Variants in UGT8 observed in about 807,000 individuals in gnomAD.
UGT8 encodes UDP glycosyltransferase 8.
Under a neutral mutation model 40.5 loss-of-function variants are expected in UGT8, and 12 were observed. The ratio of observed to expected loss-of-function variants is 0.30; its 90% CI spans 0.19 to 0.48. UGT8 has a LOEUF of 0.48. Among genes scored for constraint, UGT8 ranks in the 20% least tolerant of loss-of-function variants. The pLI, the probability that UGT8 is intolerant of heterozygous loss-of-function variation, is 0.99. For missense variants in UGT8, 513 were observed against 648.7 expected (o/e 0.79, Z 2.27); for synonymous variants, 224 against 240.4 (o/e 0.93, Z 0.63).
At chr4:114,668,500 A>G (rs1735034362) in intron 5 of UGT8, among the ~76,000 whole-genome samples, 196 bp downstream of exon 5, 1 of 152,236 alleles carries the variant, frequency 6.6e-6, no homozygotes, top group African/African-American at 2.4e-5. Context: ...CCATGTTATG[A>G]CACCAGATAA....
At position 114,664,117 on chromosome 4, in the gene UGT8, G is replaced by A; in HGVS notation, c.945G>A (p.Leu315=). ...ANKLAGALGR[L]PQKVIWRFSG... ...AACTGGCAGGAGCTCTGGGGAGATTGCCTCAAAAAGTGATTTGGAGGTAAG... is the reference window on the plus strand; with the variant it reads ...AACTGGCAGGAGCTCTGGGGAGATTACCTCAAAAAGTGATTTGGAGGTAAG... Residue 315 remains leucine, a synonymous_variant, in exon 3 of 6, where the codon TTG becomes TTA. Transcript: ENST00000310836. 1 of 1,613,784 alleles carries A rather than the reference G, an allele frequency of 6.2e-7. No individual in the cohort carries two copies. The highest frequency in any genetic ancestry group is 8.5e-7 in the Non-Finnish European group (1 of 1,179,890).
chr4:114,612,337 A>C (rs1731143980), intron 1 of UGT8, among the ~76,000 whole-genome samples: 1 of 152,128 alleles, frequency 6.6e-6, no homozygotes. Context: ...GGAGGGTTTA[A>C]AAAAGCCAAA....
At chr4:114,652,488 G>A (rs1461913952) in intron 2 of UGT8, among the ~76,000 whole-genome samples, 1 of 151,728 alleles carries the variant, frequency 6.6e-6, no homozygotes. Flanking sequence ...TAAACTGGTT[G>A]GCATTGGGAA....
At chr4:114,632,012 T>C (rs1256282579) in intron 2 of UGT8, among the ~76,000 whole-genome samples, 2 of 152,200 alleles carry the variant, frequency 1.3e-5, no homozygotes, top group Non-Finnish European at 2.9e-5. Flanking sequence ...AGAGTGGCCA[T>C]GTACAGCCAT....
At chr4:114,650,503 A>G (rs1235642431) in intron 2 of UGT8, among the ~76,000 whole-genome samples, 3 of 152,172 alleles carry the variant, frequency 2.0e-5, no homozygotes, top group Non-Finnish European at 4.4e-5. Flanking sequence ...GAAGCAGTCT[A>G]TTACTGCAAC....
intron 2 of UGT8, among the ~76,000 whole-genome samples, chr4:114,655,420 TA>T (rs1397654608): frequency 2.0e-5 from 3 of 152,086 alleles, no homozygotes; most frequent in Non-Finnish European, 2.9e-5. Flanking sequence ...TACAGGGGCT[TA>T]TTCTAGGTGG....
chr4:114,672,552 A>G (rs1280042843), intron 5 of UGT8, among the ~76,000 whole-genome samples: 3 of 152,160 alleles, frequency 2.0e-5, no homozygotes, highest in Admixed American at 6.5e-5. Context: ...CATCCTCAGC[A>G]CATAACACAG....
At chr4:114,649,341 A>ATTTGAAGT (rs1456640098) in intron 2 of UGT8, among the ~76,000 whole-genome samples, 4 of 152,214 alleles carry the variant, frequency 2.6e-5, no homozygotes, top group African/African-American at 9.6e-5. Flanking sequence ...TTATTGATTT[A>ATTTGAAGT]TTTGAAGTCT....
At chr4:114,675,546 C>T (rs1336516760) in intron 5 of UGT8, among the ~76,000 whole-genome samples, 1 of 151,210 alleles carries the variant, frequency 6.6e-6, no homozygotes, top group Non-Finnish European at 1.5e-5. Flanking sequence ...TGAGACCATC[C>T]CAGCTAAAAC....
chr4:114,602,186 G>A (rs1269468318), intron 1 of UGT8, among the ~76,000 whole-genome samples: 2 of 152,112 alleles, frequency 1.3e-5, no homozygotes, highest in Non-Finnish European at 2.9e-5. Flanking sequence ...AGAAACTGAA[G>A]CAGCCTTTAA....
intron 2 of UGT8, among the ~76,000 whole-genome samples, chr4:114,625,659 C>T (rs941167437): frequency 1.3e-5 from 2 of 151,816 alleles, no homozygotes; most frequent in Admixed American, 6.6e-5. Flanking sequence ...ATTTTCAATA[C>T]TCTACCTTTC....
At chr4:114,666,830 TCTGA>T (rs531950097) in intron 4 of UGT8, among the ~76,000 whole-genome samples, 96 of 152,282 alleles carry the variant, frequency 6.3e-4, no homozygotes, top group Admixed American at 1.8e-3. Flanking sequence ...GTGTGAGAAC[TCTGA>T]CTTTTTCAAG....
chr4:114,610,706 G>A (rs529367425), intron 1 of UGT8, among the ~76,000 whole-genome samples: 4 of 152,204 alleles, frequency 2.6e-5, no homozygotes, highest in East Asian at 3.9e-4. Flanking sequence ...TTTGTTATTT[G>A]TTCACCTGTG....
intron 2 of UGT8, among the ~76,000 whole-genome samples, chr4:114,647,690 G>A (rs74949792): frequency 0.041 from 6,189 of 152,180 alleles, 171 homozygotes; most frequent in Non-Finnish European, 0.064. Context: ...AATATCCCTA[G>A]AAGGTAAGGA....
intron 3 of UGT8, among the ~76,000 whole-genome samples, chr4:114,665,140 T>C (rs1180150541): frequency 1.3e-5 from 2 of 152,218 alleles, no homozygotes; most frequent in Non-Finnish European, 2.9e-5. Context: ...TTCTGTTTTA[T>C]CTTTTAAAGA....
chr4:114,623,113 A>G lies in UGT8; in HGVS notation c.233A>G (p.Asn78Ser). ...CTCCAGCGCTACCCAGGGATCTTTA[A>G]CAGTACCACCTCAGATGCTTTCCTA... The part of the protein sequence containing the change: ...YSLQRYPGIF[N>S]STTSDAFLQS... Residue 78 changes from asparagine (N) to serine (S), a missense_variant, in exon 2 of 6, where the codon AAC becomes AGC. Coordinates refer to ENST00000310836, the MANE Select transcript of UGT8 (RefSeq NM_001128174.3). 2 of 1,614,088 alleles carry G rather than the reference A, an allele frequency of 1.2e-6. No homozygotes were observed. Among genetic ancestry groups the G allele is most frequent in the South Asian group, 1.1e-5 (1 of 91,084 alleles).
At chr4:114,603,964 TA>T (rs138260640) in intron 1 of UGT8, among the ~76,000 whole-genome samples, 3,162 of 152,322 alleles carry the variant, frequency 0.021, 55 homozygotes, top group Non-Finnish European at 0.031. Context: ...ATCATACTTT[TA>T]ACTTTTTTGG....
chr4:114,607,350 T>C (rs1418751693), intron 1 of UGT8, among the ~76,000 whole-genome samples: 2 of 152,170 alleles, frequency 1.3e-5, no homozygotes, highest in African/African-American at 4.8e-5. Context: ...TACCTTTAAG[T>C]AGTCTTTCTG....
chr4:114,624,408 T>C (rs1263438496), intron 2 of UGT8, among the ~76,000 whole-genome samples: 1 of 152,222 alleles, frequency 6.6e-6, no homozygotes, highest in Non-Finnish European at 1.5e-5. Flanking sequence ...TATCCCACAT[T>C]AGCAGAAGCC....
Sources: gnomAD v4.1 joint callset for allele counts (sites outside exome capture counted in the v4.1 genomes callset) on GRCh38, gnomAD v4.1.1 for gene constraint, MANE v1.5 for transcripts, NCBI Gene and HGNC (gene_info 2026-07-23, HGNC 2026-07-21) for gene names.